The following FNDC3B variants were observed in gnomAD, a reference collection of about 807,000 sequenced individuals.
FNDC3B encodes fibronectin type III domain-containing protein 3B.
Under a neutral mutation model 151.5 loss-of-function variants are expected in FNDC3B, and 12 were observed. That is an observed-to-expected ratio of 0.08 (90% CI 0.05 to 0.13). FNDC3B has a LOEUF of 0.13. FNDC3B is among the 10% of genes least tolerant of loss of function. FNDC3B has a pLI of 1.00. For synonymous variants in FNDC3B, 528 were observed against 549.0 expected, an observed-to-expected ratio of 0.96 and a Z score of 0.54; for missense variants, 1,214 against 1,505.3, an observed-to-expected ratio of 0.81 and a Z score of 3.20.
At chr3:172,394,124 A>AAAAAAAAAAAAAG in intron 25 of FNDC3B, among the ~76,000 whole-genome samples, 1 of 147,548 alleles carries the variant, frequency 6.8e-6, no homozygotes, top group Non-Finnish European at 1.5e-5. Context: ...AAAAAAAAAA[A>AAAAAAAAAAAAAG]AAAAAAAAAA....
intron 7 of FNDC3B, among the ~76,000 whole-genome samples, chr3:172,291,748 A>C (rs1051716163): frequency 6.6e-6 from 1 of 152,172 alleles, no homozygotes; most frequent in Non-Finnish European, 1.5e-5. Context: ...TATGGCTTCT[A>C]AACTTTTTTG....
chr3:172,397,671 T>G lies in FNDC3B; in HGVS notation c.*196T>G. ...TAGGAAAAGGTTAAACTGGATTTTT[T>G]TTTTTAAAAAAAAGAAAAAAAAAGA... On this transcript the variant is annotated 3_prime_UTR_variant, in exon 26 of 26. Coordinates refer to ENST00000415807, the MANE Select transcript of FNDC3B (RefSeq NM_022763.4). 3.5e-6 allele frequency: 1 copy of G among 285,274 alleles called. No individual in the cohort carries two copies. Among genetic ancestry groups the G allele is most frequent in the Non-Finnish European group, 5.6e-6 (1 of 177,876 alleles). 17.7% of individuals were successfully genotyped at this position (285,274 alleles called of 1,614,324 possible).
intron 3 of FNDC3B, among the ~76,000 whole-genome samples, chr3:172,146,874 A>G (rs937532275): frequency 6.6e-6 from 1 of 152,250 alleles, no homozygotes; most frequent in Non-Finnish European, 1.5e-5. Flanking sequence ...TCGGCAGAGT[A>G]CAGATTTACT....
intron 2 of FNDC3B, among the ~76,000 whole-genome samples, chr3:172,128,209 C>G (rs764142741): frequency 1.3e-5 from 2 of 152,132 alleles, no homozygotes; most frequent in Non-Finnish European, 2.9e-5. Flanking sequence ...ATTTTTCAAT[C>G]AGCTTTGGAT....
intron 6 of FNDC3B, among the ~76,000 whole-genome samples, chr3:172,260,965 C>G (rs774877735): frequency 6.6e-6 from 1 of 152,120 alleles, no homozygotes. Flanking sequence ...TAGCTGGAGG[C>G]GATGGGCAAA....
At chr3:172,107,471 T>C (rs752139913) in intron 1 of FNDC3B, among the ~76,000 whole-genome samples, 1 of 152,098 alleles carries the variant, frequency 6.6e-6, no homozygotes, top group Non-Finnish European at 1.5e-5. Context: ...CCGTGGTGTG[T>C]TGGGGGACAG....
At chr3:172,285,801 A>G in intron 6 of FNDC3B, 125 bp from the exon 7 acceptor site, 2 of 701,772 alleles carry the variant, frequency 2.8e-6, no homozygotes, top group African/African-American at 1.8e-5. Flanking sequence ...TGTAATATCA[A>G]AAATTCATGA....
intron 1 of FNDC3B, among the ~76,000 whole-genome samples, chr3:172,100,970 T>C (rs187517221): frequency 6.6e-6 from 1 of 152,372 alleles, no homozygotes; most frequent in Admixed American, 6.5e-5. Context: ...CTTTGAAATA[T>C]ATATTTAAGT....
intron 3 of FNDC3B, among the ~76,000 whole-genome samples, chr3:172,220,125 A>G (rs1726202863): frequency 6.6e-6 from 1 of 152,000 alleles, no homozygotes; most frequent in South Asian, 2.1e-4. Flanking sequence ...GCAGTGTACA[A>G]GTTTCCAATT....
intron 2 of FNDC3B, among the ~76,000 whole-genome samples, chr3:172,114,471 T>C (rs1720143440): frequency 6.6e-6 from 1 of 152,216 alleles, no homozygotes; most frequent in Non-Finnish European, 1.5e-5. Context: ...GTTTATGTTT[T>C]GTTGATTTCT....
At chr3:172,168,648 T>G (rs13089740) in intron 3 of FNDC3B, among the ~76,000 whole-genome samples, 42,012 of 151,648 alleles carry the variant, frequency 0.28, 6,016 homozygotes, top group African/African-American at 0.33. Context: ...TTGCTATATA[T>G]CTATGCTTTT....
At chr3:172,155,886 G>A (rs762174764) in intron 3 of FNDC3B, among the ~76,000 whole-genome samples, 3 of 152,102 alleles carry the variant, frequency 2.0e-5, no homozygotes, top group Non-Finnish European at 4.4e-5. Context: ...TACTTGGTCC[G>A]GGACTAGAAG....
At position 172,240,212 on chromosome 3, in the gene FNDC3B, A is replaced by G. The variant is rs577472220; in HGVS notation, c.265-7321A>G. 4.6e-5 allele frequency among the ~76,000 whole-genome samples: 7 copies of G among 152,128 alleles called. No individual in the cohort carries two copies. The South Asian group carries it at 1.5e-3, about 32-fold the overall frequency. On this transcript the variant is annotated intron_variant, in intron 4 of 25. Transcript: ENST00000415807. ...ACACAAAATTGATCCTCCTTTACCC[A>G]GTTCCGTGTCCTTGAGTGTATTACC...
chr3:172,170,865 T>C (rs1206066893), intron 3 of FNDC3B, among the ~76,000 whole-genome samples: 1 of 152,226 alleles, frequency 6.6e-6, no homozygotes, highest in East Asian at 1.9e-4. Context: ...ACAATAGATA[T>C]TCATTATGCA....
chr3:172,337,453 C>G, intron 16 of FNDC3B, 52 bp downstream of exon 16: 1 of 1,132,902 alleles, frequency 8.8e-7, no homozygotes, highest in Non-Finnish European at 1.3e-6. Flanking sequence ...GCTCTGTTTT[C>G]TAATATAGTA....
At chr3:172,121,906 A>T (rs1400324434) in intron 2 of FNDC3B, among the ~76,000 whole-genome samples, 1 of 152,222 alleles carries the variant, frequency 6.6e-6, no homozygotes, top group East Asian at 1.9e-4. Flanking sequence ...ACATAAGATT[A>T]AATTGGATAG....
intron 25 of FNDC3B, among the ~76,000 whole-genome samples, chr3:172,383,303 G>C (rs1230582168): frequency 6.6e-6 from 1 of 152,162 alleles, no homozygotes; most frequent in Non-Finnish European, 1.5e-5. Context: ...TGTGATTTTT[G>C]CACATTGATT....
chr3:172,353,131 G>T (rs749192730), intron 22 of FNDC3B, 48 bp downstream of exon 22: 46 of 1,565,700 alleles, frequency 2.9e-5, no homozygotes, highest in Non-Finnish European at 3.9e-5. Flanking sequence ...AGCACTTGGG[G>T]ATCTAAGTAA....
chr3:172,100,215 G>A (rs1400456821), intron 1 of FNDC3B, among the ~76,000 whole-genome samples: 1 of 152,184 alleles, frequency 6.6e-6, no homozygotes, highest in Non-Finnish European at 1.5e-5. Context: ...GCACAGAAGA[G>A]TGTCTTGCAC....
Sources: gnomAD v4.1 joint callset for allele counts (sites outside exome capture counted in the v4.1 genomes callset) on GRCh38, gnomAD v4.1.1 for gene constraint, MANE v1.5 for transcripts, NCBI Gene and HGNC (gene_info 2026-07-23, HGNC 2026-07-21) for gene names.